DMD: variants seen among roughly 807,000 people sequenced by gnomAD.
The protein encoded by DMD is dystrophin, also known as mutant dystrophin.
A neutral mutation model predicts 330.1 loss-of-function variants in DMD; 63 were observed. The observed-to-expected ratio is 0.19, with a 90% CI of 0.16 to 0.24. The LOEUF is 0.24. Ranked by LOEUF, DMD falls within the 10% of genes least tolerant of loss-of-function variation. DMD has a pLI of 1.00. For synonymous variants in DMD, 1,223 were observed against 959.8 expected (o/e 1.27, Z -5.07); for missense variants, 3,344 against 2,684.1 (o/e 1.25, Z -5.43).
At chrX:31,418,284 G>A (rs2148927768) in intron 60 of DMD, among the ~76,000 whole-genome samples, 1 of 110,910 alleles carries the variant, frequency 9.0e-6, no homozygotes, top group East Asian at 2.9e-4. Context: ...AAAGGGCAAA[G>A]CAGCTCTCTG....
intron 44 of DMD, among the ~76,000 whole-genome samples, chrX:32,090,528 G>A (rs747660432): frequency 5.4e-5 from 6 of 111,036 alleles, no homozygotes; most frequent in Admixed American, 9.6e-5. Flanking sequence ...GGGATTATTC[G>A]TCAGCGTTAT....
Position 32,080,100 on chromosome X carries a change from C to G in DMD, c.6439-111586G>C, listed in dbSNP as rs1028671371. Among the ~76,000 whole-genome samples the G allele has an allele frequency of 5.3e-5, 6 of 112,420 alleles. No individual in the cohort carries two copies. The Admixed American group carries it at 5.7e-4, about 11-fold the overall frequency. On this transcript the variant is annotated intron_variant, in intron 44 of 78. Transcript: ENST00000357033. ...AATATAAGAGGAATCATATTATTAA[C>G]TGGCCACTATTCTGAGTTTTGAAAA...
chrX:32,657,981 C>A (rs1394861325), intron 9 of DMD, among the ~76,000 whole-genome samples: 1 of 111,046 alleles, frequency 9.0e-6, no homozygotes, highest in Non-Finnish European at 1.9e-5. Flanking sequence ...CCAAAAAAAT[C>A]AAAACAAAAT....
intron 37 of DMD, among the ~76,000 whole-genome samples, chrX:32,357,416 G>C (rs1300597857): frequency 9.0e-6 from 1 of 111,273 alleles, no homozygotes; most frequent in Non-Finnish European, 1.9e-5. Flanking sequence ...TCCAGACCTA[G>C]TGAGTCAGAA....
At chrX:33,026,644 T>C (rs146037399) in intron 1 of DMD, among the ~76,000 whole-genome samples, 162 of 111,443 alleles carry the variant, frequency 1.5e-3, no homozygotes, top group Non-Finnish European at 2.7e-3. Context: ...TAATAGTCTT[T>C]GATTATGGGA....
Position 31,171,365 on chromosome X carries a change from C to T in DMD, c.10394+983G>A, listed in dbSNP as rs140303500. On this transcript the variant is annotated intron_variant, in intron 73 of 78. Coordinates refer to ENST00000357033, the MANE Select transcript of DMD (RefSeq NM_004006.3). Reference sequence around the variant, plus strand: ...TGATACTATTTCTTTTGGCCTAATCCTTATGAAGGTTCTTTTCTCATCTGA... The same window carrying T: ...TGATACTATTTCTTTTGGCCTAATCTTTATGAAGGTTCTTTTCTCATCTGA... Among the ~76,000 whole-genome samples the T allele has an allele frequency of 3.7e-4, 41 of 111,632 alleles. No homozygotes were observed. In the East Asian group the frequency reaches 8.4e-3, roughly 23 times the overall value.
chrX:31,690,393 G>C (rs1482307429), intron 52 of DMD, among the ~76,000 whole-genome samples: 1 of 112,215 alleles, frequency 8.9e-6, no homozygotes, highest in African/African-American at 3.2e-5. Flanking sequence ...GGCCATCAGA[G>C]AAACGCAAAT....
At chrX:33,263,068 T>C (rs2052985531) in intron 1 of DMD, among the ~76,000 whole-genome samples, 1 of 110,762 alleles carries the variant, frequency 9.0e-6, no homozygotes, top group African/African-American at 3.3e-5. Context: ...TACACTACTG[T>C]TGGAGGCATA....
intron 7 of DMD, among the ~76,000 whole-genome samples, chrX:32,773,829 G>A (rs1269869391): frequency 9.0e-6 from 1 of 111,121 alleles, no homozygotes; most frequent in African/African-American, 3.3e-5. Flanking sequence ...ATCTACATCT[G>A]GCATCTGATC....
At chrX:31,681,102 C>T (rs2082357188) in intron 52 of DMD, among the ~76,000 whole-genome samples, 1 of 111,392 alleles carries the variant, frequency 9.0e-6, no homozygotes, top group East Asian at 2.8e-4. Context: ...ATCATCCTCC[C>T]AGACCCAAAT....
At chrX:32,354,750 C>T (rs767320602) in intron 37 of DMD, among the ~76,000 whole-genome samples, 5 of 111,041 alleles carry the variant, frequency 4.5e-5, no homozygotes, top group Non-Finnish European at 9.5e-5. Flanking sequence ...ATTTGTGAGG[C>T]TAATTAGAGG....
At chrX:31,852,455 G>A (rs1480410286) in intron 48 of DMD, among the ~76,000 whole-genome samples, 3 of 111,830 alleles carry the variant, frequency 2.7e-5, no homozygotes, top group African/African-American at 9.8e-5. Flanking sequence ...AGGTCTTGCT[G>A]CCTTCCTAAG....
chrX:32,010,313 G>A (rs1483743484), intron 44 of DMD, among the ~76,000 whole-genome samples: 5 of 111,512 alleles, frequency 4.5e-5, no homozygotes, highest in Admixed American at 9.5e-5. Flanking sequence ...ACAATGCTGT[G>A]CTACTGCCCG....
chrX:31,704,227 A>G (rs1006077407), intron 52 of DMD, among the ~76,000 whole-genome samples: 1 of 112,011 alleles, frequency 8.9e-6, no homozygotes, highest in Non-Finnish European at 1.9e-5. Context: ...CTCTTACAAT[A>G]GTACAGCAGC....
intron 9 of DMD, among the ~76,000 whole-genome samples, chrX:32,669,454 C>CAGAT (rs1381494245): frequency 8.9e-6 from 1 of 111,943 alleles, no homozygotes; most frequent in Admixed American, 9.5e-5. Flanking sequence ...TAGTTCCCTA[C>CAGAT]AGATAGATAG....
At chrX:32,959,882 CTA>C (rs2091806951) in intron 2 of DMD, among the ~76,000 whole-genome samples, 1 of 111,904 alleles carries the variant, frequency 8.9e-6, no homozygotes, top group Non-Finnish European at 1.9e-5. Context: ...CAGGAAATAA[CTA>C]TGACTGTGAA....
At chrX:31,168,246 G>T (rs1004971317) in intron 74 of DMD, among the ~76,000 whole-genome samples, 10 of 111,803 alleles carry the variant, frequency 8.9e-5, no homozygotes, top group Admixed American at 1.9e-4. Flanking sequence ...CATAGAAAAA[G>T]CAAGTCAAGA....
intron 52 of DMD, among the ~76,000 whole-genome samples, chrX:31,685,343 G>A (rs1019605680): frequency 9.0e-6 from 1 of 111,627 alleles, no homozygotes; most frequent in African/African-American, 3.3e-5. Flanking sequence ...GCCACGCCTG[G>A]TTACATCCAT....
At chrX:33,202,935 TATC>T (rs2148834083) in intron 1 of DMD, among the ~76,000 whole-genome samples, 1 of 111,844 alleles carries the variant, frequency 8.9e-6, no homozygotes, top group Admixed American at 9.5e-5. Context: ...AGTTGCTCAA[TATC>T]ATATTACTAT....
Sources: gnomAD v4.1 joint callset for allele counts (sites outside exome capture counted in the v4.1 genomes callset) on GRCh38, gnomAD v4.1.1 for gene constraint, MANE v1.5 for transcripts, NCBI Gene and HGNC (gene_info 2026-07-23, HGNC 2026-07-21) for gene names.